Variants in SLIT3 observed in about 807,000 individuals in gnomAD.
SLIT3 encodes the protein slit homolog 3 protein.
SLIT3 carries 68 observed loss-of-function variants against 184.0 expected under a neutral mutation model. The observed-to-expected ratio is 0.37, with a 90% CI of 0.30 to 0.45. The LOEUF (loss-of-function observed/expected upper bound fraction) is 0.45. Ranked by LOEUF, SLIT3 falls within the 20% of genes least tolerant of loss-of-function variation. The pLI is 1.00. For synonymous variants in SLIT3, 831 were observed against 828.6 expected (o/e 1.00, Z -0.05); for missense variants, 1,707 against 2,026.0 (o/e 0.84, Z 3.02).
chr5:168,883,440 C>G, intron 4 of SLIT3, 104 bp from the exon 5 acceptor site: 3 of 845,002 alleles, frequency 3.6e-6, no homozygotes, highest in Non-Finnish European at 5.8e-6. Context: ...GCTGCCTCTG[C>G]GGTCAGAGTG....
chr5:168,813,755 C>T (rs940968851), intron 8 of SLIT3, among the ~76,000 whole-genome samples: 2 of 152,202 alleles, frequency 1.3e-5, no homozygotes, highest in East Asian at 3.9e-4. Flanking sequence ...CTCCAGACAG[C>T]TGGATTTAAT....
chr5:168,839,569 A>G (rs1172594494), intron 6 of SLIT3, among the ~76,000 whole-genome samples: 1 of 152,190 alleles, frequency 6.6e-6, no homozygotes, highest in Non-Finnish European at 1.5e-5. Flanking sequence ...TCAATTTTTA[A>G]AAAACATTCC....
In SLIT3 at chr5:169,221,975, A is replaced by C. The variant is rs141830225; in HGVS notation, c.341+22730T>G. 2.0e-5 allele frequency among the ~76,000 whole-genome samples: 3 copies of C among 152,244 alleles called. No individual in the cohort carries two copies. The East Asian group carries it at 5.8e-4, about 29-fold the overall frequency. On this transcript the variant is annotated intron_variant, in intron 3 of 35. Transcript: ENST00000519560. ...GATGTACAGGACAACAATTTCATTA[A>C]AAGTCCATTATGGCTTGGCTGTGTG...
At position 168,806,530 on chromosome 5, in the gene SLIT3, C is replaced by G; in HGVS notation, c.851G>C (p.Cys284Ser). Residue 284 changes from cysteine (C) to serine (S), a missense_variant, in exon 9 of 36, where the codon TGC (cysteine) becomes TCC (serine). Around this residue, in one of 3 missense-constraint regions of SLIT3, gnomAD observed 1,307 missense variants for 1,511.6 expected, o/e 0.86. Coordinates refer to ENST00000519560, the MANE Select transcript of SLIT3 (RefSeq NM_003062.4). ...GTCCACGATGTTATTGCTGCACGTGCAGGGCGAAGGGCAGGAGATGGAGTT... is the reference window on the plus strand; with the variant it reads ...GTCCACGATGTTATTGCTGCACGTGGAGGGCGAAGGGCAGGAGATGGAGTT... ...NANSISCPSP[C>S]TCSNNIVDCR... 6.2e-7 allele frequency: 1 copy of G among 1,614,160 alleles called. No homozygotes were observed. Among genetic ancestry groups the G allele is most frequent in the Non-Finnish European group, 8.5e-7 (1 of 1,180,010 alleles).
At chr5:169,107,390 C>T (rs138971349) in intron 4 of SLIT3, among the ~76,000 whole-genome samples, 123 of 152,300 alleles carry the variant, frequency 8.1e-4, no homozygotes, top group African/African-American at 2.9e-3. Flanking sequence ...GTCTGCATAG[C>T]TCCCTGGAGC....
chr5:169,076,554 GGAAA>G (rs1403800084), intron 4 of SLIT3, among the ~76,000 whole-genome samples: 1 of 151,962 alleles, frequency 6.6e-6, no homozygotes, highest in Non-Finnish European at 1.5e-5. Context: ...TTATAGAACA[GGAAA>G]GAAATTGTCA....
At position 169,272,114 on chromosome 5, in the gene SLIT3, T is replaced by G. The variant is rs146825212; in HGVS notation, c.198-20655A>C. Among the ~76,000 whole-genome samples, 19 of 152,356 alleles carry G rather than the reference T, an allele frequency of 1.2e-4. No individual in the cohort carries two copies. The East Asian group carries it at 3.5e-3, about 28-fold the overall frequency. On this transcript the variant is annotated intron_variant, in intron 1 of 35. Transcript: ENST00000519560. ...TGGGTAAGGGGGCTGGGGATCTGAC[T>G]TCGTCCCTTCTCTCCATCCCTCAGT...
intron 23 of SLIT3, among the ~76,000 whole-genome samples, chr5:168,717,817 C>T (rs545851100): frequency 7.2e-5 from 11 of 152,134 alleles, no homozygotes; most frequent in Middle Eastern, 3.4e-3. Context: ...CCCGCCACTA[C>T]GTCCGGCTAA....
chr5:169,116,003 A>G (rs1760649384), intron 4 of SLIT3, among the ~76,000 whole-genome samples: 1 of 152,116 alleles, frequency 6.6e-6, no homozygotes, highest in Non-Finnish European at 1.5e-5. Flanking sequence ...AATAACATAA[A>G]CCAGTGACAA....
intron 5 of SLIT3, among the ~76,000 whole-genome samples, chr5:168,845,699 T>C (rs1581139790): frequency 6.6e-6 from 1 of 152,042 alleles, no homozygotes; most frequent in East Asian, 1.9e-4. Flanking sequence ...CCAACTATAA[T>C]AGCATATATT....
intron 4 of SLIT3, among the ~76,000 whole-genome samples, chr5:169,109,530 T>C (rs1374514858): frequency 6.6e-6 from 1 of 152,194 alleles, no homozygotes; most frequent in Non-Finnish European, 1.5e-5. Context: ...TGTGAGATAG[T>C]AAATGTGTGT....
At chr5:168,916,746 TC>T (rs1181029386) in intron 4 of SLIT3, among the ~76,000 whole-genome samples, 1 of 152,228 alleles carries the variant, frequency 6.6e-6, no homozygotes, top group African/African-American at 2.4e-5. Context: ...ATTTAACTCA[TC>T]AAAAAGGATT....
intron 4 of SLIT3, among the ~76,000 whole-genome samples, chr5:169,019,991 C>T (rs933776707): frequency 6.6e-5 from 10 of 152,126 alleles, no homozygotes; most frequent in Non-Finnish European, 1.2e-4. Context: ...CAAATAAAGG[C>T]CATTTCTCAG....
At chr5:168,961,415 C>A (rs1377583581) in intron 4 of SLIT3, among the ~76,000 whole-genome samples, 1 of 152,182 alleles carries the variant, frequency 6.6e-6, no homozygotes, top group African/African-American at 2.4e-5. Flanking sequence ...CTGTTTCTTG[C>A]ACCAAGACTG....
chr5:168,839,533 CA>C (rs1758171001), intron 6 of SLIT3, among the ~76,000 whole-genome samples: 1 of 152,138 alleles, frequency 6.6e-6, no homozygotes, highest in South Asian at 2.1e-4. Context: ...TAAGATATCT[CA>C]ATTTTTAAAT....
At chr5:169,055,691 T>C (rs1232160220) in intron 4 of SLIT3, among the ~76,000 whole-genome samples, 2 of 151,866 alleles carry the variant, frequency 1.3e-5, no homozygotes, top group African/African-American at 4.8e-5. Context: ...ATACAAAAAT[T>C]AGCTGGGTGT....
chr5:169,060,769 G>A (rs1310173136), intron 4 of SLIT3, among the ~76,000 whole-genome samples: 1 of 152,218 alleles, frequency 6.6e-6, no homozygotes, highest in Non-Finnish European at 1.5e-5. Flanking sequence ...AATGCTCATT[G>A]GGCTGAGTGG....
chr5:169,207,465 G>A (rs1345065568), intron 3 of SLIT3, among the ~76,000 whole-genome samples: 1 of 151,666 alleles, frequency 6.6e-6, no homozygotes, highest in East Asian at 1.9e-4. Flanking sequence ...CCAAGTTAGA[G>A]CCAGTATAGG....
chr5:168,823,296 A>G lies in SLIT3; in HGVS notation c.593T>C (p.Val198Ala). 1 of 1,614,100 alleles carries G rather than the reference A, an allele frequency of 6.2e-7. No individual in the cohort carries two copies. Among genetic ancestry groups the G allele is most frequent in the East Asian group, 2.2e-5 (1 of 44,884 alleles). ...CTTCGGCATGTGGTTGAAGCTGGTG[A>G]CCAGGATGCGACTGATGTTGTTGTT... is the stretch of plus-strand genomic sequence containing the variant. ...LNNNNISRIL[V>A]TSFNHMPKIR... The change falls in exon 7 of 36, where the codon GTC (valine) becomes GCC (alanine). Residue 198 changes from valine (V) to alanine (A), a missense_variant. Transcript: ENST00000519560.
Sources: allele counts gnomAD v4.1 joint callset (sites outside exome capture counted in the v4.1 genomes callset), GRCh38; gene constraint gnomAD v4.1.1; regional missense constraint gnomAD v4.1.1; transcripts MANE v1.5; gene names NCBI Gene and HGNC (gene_info 2026-07-23, HGNC 2026-07-21).